SNX14: variants seen among roughly 807,000 people sequenced by gnomAD.
SNX14 encodes sorting nexin 14.
A neutral mutation model predicts 133.8 loss-of-function variants in SNX14; 93 were observed. The observed-to-expected ratio is 0.70, with a 90% CI of 0.59 to 0.83. SNX14 has a LOEUF of 0.83. Among genes scored for constraint, SNX14 ranks in the 40% least tolerant of loss-of-function variants. SNX14 has a pLI of 0.00. For missense variants in SNX14, 945 were observed against 1,094.9 expected (o/e 0.86, Z 1.93); for synonymous variants, 368 against 365.6 (o/e 1.01, Z -0.07).
chr6:85,588,736 C>G (rs373458749), intron 1 of SNX14: 2 of 326,984 alleles, frequency 6.1e-6, no homozygotes. Context: ...AAAAGCCTTA[C>G]CAATACAGTA....
intron 12 of SNX14, 131 bp from the exon 13 acceptor site, chr6:85,543,891 T>C: frequency 2.3e-6 from 1 of 427,716 alleles, no homozygotes; most frequent in Non-Finnish European, 3.7e-6. Context: ...TCTAAGTTTT[T>C]AAAAAATATT....
chr6:85,514,198 T>G lies in SNX14; in HGVS notation c.2429A>C (p.His810Pro). The change falls in exon 25 of 29, where the codon CAT becomes CCT. Residue 810 changes from histidine to proline, a missense_variant. Physicochemically the swap from His to Pro is moderately conservative, Grantham distance 77 (BLOSUM62 -2). Around this residue, in one of 3 missense-constraint regions of SNX14, gnomAD observed 412 missense variants for 516.6 expected, o/e 0.80. Transcript: ENST00000314673. ...GAGGATTCGAGTTCCCATTAAGAGA[T>G]GATGAAGCCAGTCAGGAACCTGGAA... ...VVFQVPDWLH[H>P]LLMGTRILFK... 1 of 1,613,692 alleles carries G rather than the reference T, an allele frequency of 6.2e-7. No homozygotes were observed. Among genetic ancestry groups the G allele is most frequent in the Non-Finnish European group, 8.5e-7 (1 of 1,179,866 alleles).
chr6:85,510,040 A>G (rs1049441319), intron 26 of SNX14, among the ~76,000 whole-genome samples: 14 of 152,100 alleles, frequency 9.2e-5, no homozygotes, highest in African/African-American at 3.4e-4. Context: ...TTATCCATTC[A>G]CCTAAATAAA....
At chr6:85,533,874 A>G in intron 17 of SNX14, 74 bp from the exon 18 acceptor site, 1 of 1,125,560 alleles carries the variant, frequency 8.9e-7, no homozygotes, top group Non-Finnish European at 1.3e-6. Context: ...ATACAAGTAT[A>G]AAGTAATATG....
intron 19 of SNX14, among the ~76,000 whole-genome samples, chr6:85,528,966 C>T (rs974509225): frequency 1.3e-5 from 2 of 151,444 alleles, no homozygotes; most frequent in Admixed American, 6.6e-5. Context: ...GCAGGAGAAT[C>T]GCTGGAACCT....
rs1487852811 is a variant in SNX14 at position 85,536,778 on chromosome 6, T to C, written c.1608+14A>G. 1.2e-6 allele frequency: 2 copies of C among 1,603,608 alleles called. No homozygotes were observed. The highest frequency in any genetic ancestry group is 2.7e-5 in the African/African-American group (2 of 74,474). ...TGAAGTTATAAATAAATCAAATTGA[T>C]ACATTTTACTTACAAAATCATCTTC... is the stretch of plus-strand genomic sequence containing the variant. On this transcript the variant is annotated intron_variant, in intron 17 of 28. Coordinates refer to ENST00000314673, the MANE Select transcript of SNX14 (RefSeq NM_153816.6).
intron 1 of SNX14, among the ~76,000 whole-genome samples, chr6:85,584,147 G>C (rs1228388520): frequency 1.3e-5 from 2 of 152,184 alleles, no homozygotes; most frequent in African/African-American, 4.8e-5. Flanking sequence ...AAGCAATGAA[G>C]AAAGGATTCC....
chr6:85,558,090 A>G, intron 6 of SNX14, 30 bp from the exon 7 acceptor site: 1 of 1,117,570 alleles, frequency 8.9e-7, no homozygotes, highest in Non-Finnish European at 1.3e-6. Context: ...AAACTTTTAA[A>G]ATAATTATCA....
chr6:85,570,962 T>C (rs552811679), intron 4 of SNX14, among the ~76,000 whole-genome samples: 7 of 152,318 alleles, frequency 4.6e-5, no homozygotes, highest in African/African-American at 1.7e-4. Context: ...ACATGTCAAC[T>C]TGGACTAGCA....
intron 5 of SNX14, among the ~76,000 whole-genome samples, chr6:85,567,193 T>C (rs561763988): frequency 4.6e-5 from 7 of 152,328 alleles, no homozygotes; most frequent in African/African-American, 1.7e-4. Flanking sequence ...TCTTCCTCTT[T>C]ACTATCACCA....
Position 85,549,865 on chromosome 6 carries a change from ACT to A in SNX14, c.647_648del (p.Glu216ValfsTer24), listed in dbSNP as rs1200043411. On this transcript the variant is annotated frameshift_variant, in exon 8 of 29. Coordinates refer to ENST00000314673, the MANE Select transcript of SNX14 (RefSeq NM_153816.6). LOFTEE classifies it high-confidence loss of function. ...VKARQKVKNT[E>X]FLQQAALEEY... Reference sequence around the variant, plus strand: ...TCTTCTAAAGCAGCTTGCTGTAAAAACTCTGTATTTTTTACTATAGAGATTAA... The same window carrying A: ...TCTTCTAAAGCAGCTTGCTGTAAAAACTGTATTTTTTACTATAGAGATTAA... The A allele has an allele frequency of 6.2e-6, 10 of 1,604,530 alleles. No homozygotes were observed. The highest frequency in any genetic ancestry group is 4.5e-5 in the South Asian group (4 of 88,878).
chr6:85,570,038 T>C (rs1254504035), intron 4 of SNX14, among the ~76,000 whole-genome samples: 1 of 152,188 alleles, frequency 6.6e-6, no homozygotes. Flanking sequence ...GATTTCCCTC[T>C]CAATAGTTAT....
At chr6:85,591,151 C>G (rs1289022217) in intron 1 of SNX14, among the ~76,000 whole-genome samples, 1 of 152,000 alleles carries the variant, frequency 6.6e-6, no homozygotes, top group African/African-American at 2.4e-5. Flanking sequence ...ATAGATGTAC[C>G]TAGTATACCC....
rs563161704 is a variant in SNX14 at position 85,564,947 on chromosome 6, C to T, written c.549+385G>A. 2.2e-3 allele frequency among the ~76,000 whole-genome samples: 329 copies of T among 151,628 alleles called. 2 individuals are homozygous for T. Among genetic ancestry groups the T allele is most frequent in the African/African-American group, 7.1e-3 (295 of 41,288 alleles). On this transcript the variant is annotated intron_variant, in intron 6 of 28. Coordinates refer to ENST00000314673, the MANE Select transcript of SNX14 (RefSeq NM_153816.6). ...GAGGTTGCAGTGAGCTGAGATCATG[C>T]CACTGTACTCCAGCCTGGGCGACAG...
intron 1 of SNX14, among the ~76,000 whole-genome samples, chr6:85,586,005 A>C (rs930850494): frequency 9.2e-5 from 14 of 152,088 alleles, no homozygotes; most frequent in South Asian, 8.3e-4. Flanking sequence ...AAAAAAAAAA[A>C]AAACTAAATC....
At chr6:85,587,257 G>A (rs1261913775) in intron 1 of SNX14, among the ~76,000 whole-genome samples, 1 of 151,906 alleles carries the variant, frequency 6.6e-6, no homozygotes, top group African/African-American at 2.4e-5. Context: ...TTGAGTAATG[G>A]GTGCTTGCAA....
intron 5 of SNX14, 21 bp downstream of exon 5, chr6:85,567,513 G>T (rs765336192): frequency 6.0e-6 from 9 of 1,500,170 alleles, no homozygotes; most frequent in Middle Eastern, 1.8e-4. Flanking sequence ...CAGAAAAAAA[G>T]ATCTTATAGA....
intron 1 of SNX14, 100 bp from the exon 2 acceptor site, chr6:85,574,478 A>G: frequency 1.3e-6 from 1 of 753,222 alleles, no homozygotes; most frequent in Non-Finnish European, 2.0e-6. Flanking sequence ...CACCTACAAT[A>G]TCAGATTGAA....
rs183720897 is a variant in SNX14 at position 85,530,348 on chromosome 6, T to C, written c.1811-73A>G. ...TAAAAGAATGCCATATTTAAAACAT[T>C]AAGAATACAAAGCTGGCTAGACACG... is the stretch of plus-strand genomic sequence containing the variant. On this transcript the variant is annotated intron_variant, in intron 18 of 28. Transcript: ENST00000314673. The C allele has an allele frequency of 3.8e-4, 392 of 1,025,818 alleles. 5 individuals carry two copies. The East Asian group carries it at 8.8e-3, about 23-fold the overall frequency. The allele number at this position is 1,025,818 out of a possible 1,614,324, so 63.5% of individuals were successfully genotyped here. A position where few individuals can be genotyped will look rare whatever the true frequency, so the allele number is the denominator to read the frequency against.
Sources: allele counts gnomAD v4.1 joint callset (sites outside exome capture counted in the v4.1 genomes callset), GRCh38; gene constraint gnomAD v4.1.1; regional missense constraint gnomAD v4.1.1; transcripts MANE v1.5; gene names NCBI Gene and HGNC (gene_info 2026-07-23, HGNC 2026-07-21).